CDH23: variants seen among roughly 807,000 people sequenced by gnomAD.
CDH23 encodes the protein cadherin related 23.
A neutral mutation model predicts 317.1 loss-of-function variants in CDH23; 189 were observed. The ratio of observed to expected loss-of-function variants is 0.60; its 90% CI spans 0.53 to 0.67. The LOEUF is 0.67. CDH23 is among the 30% of genes least tolerant of loss of function. The pLI is 0.00. For synonymous variants in CDH23, 1,839 were observed against 1,876.8 expected (o/e 0.98, Z 0.52); for missense variants, 4,401 against 4,592.4 (o/e 0.96, Z 1.20).
chr10:71,699,309 C>T (rs1049280618), intron 22 of CDH23, among the ~76,000 whole-genome samples: 1 of 152,254 alleles, frequency 6.6e-6, no homozygotes, highest in African/African-American at 2.4e-5. Context: ...TAGACTAGGG[C>T]GTATGGCCCA....
At chr10:71,728,036 A>G (rs1396717810) in intron 30 of CDH23, among the ~76,000 whole-genome samples, 1 of 151,944 alleles carries the variant, frequency 6.6e-6, no homozygotes, top group Admixed American at 6.6e-5. Context: ...TTGTCATTGT[A>G]CTGTCAGCCT....
At chr10:71,706,136 G>A (rs984156855) in intron 25 of CDH23, among the ~76,000 whole-genome samples, 3 of 152,198 alleles carry the variant, frequency 2.0e-5, no homozygotes, top group African/African-American at 7.2e-5. Context: ...ATGGGCCCAG[G>A]ATCTCTCCTG....
intron 24 of CDH23, among the ~76,000 whole-genome samples, chr10:71,703,086 T>G (rs1327578524): frequency 6.6e-6 from 1 of 152,082 alleles, no homozygotes; most frequent in Non-Finnish European, 1.5e-5. Flanking sequence ...TCAGCTCCCT[T>G]TACTACAGTA....
At chr10:71,727,708 G>A (rs966789153) in intron 30 of CDH23, among the ~76,000 whole-genome samples, 13 of 152,092 alleles carry the variant, frequency 8.5e-5, no homozygotes, top group African/African-American at 3.1e-4. Context: ...TCCTCTCCCT[G>A]TCCTCCTAAC....
chr10:71,706,773 T>C, intron 25 of CDH23, 124 bp from the exon 26 acceptor site: 1 of 1,458,058 alleles, frequency 6.9e-7, no homozygotes, highest in African/African-American at 1.4e-5. Flanking sequence ...CAGATGCCAC[T>C]TGGAGCCCGT....
At chr10:71,562,720 C>A (rs536241750) in intron 6 of CDH23, among the ~76,000 whole-genome samples, 1 of 152,210 alleles carries the variant, frequency 6.6e-6, no homozygotes, top group East Asian at 1.9e-4. Context: ...ACAAAGTCAG[C>A]GGGGCCTGGG....
intron 28 of CDH23, chr10:71,715,500 C>A (rs1421796009): frequency 6.4e-6 from 1 of 156,040 alleles, no homozygotes; most frequent in Non-Finnish European, 1.4e-5. Context: ...GTCTTGGCCC[C>A]GGTGTAGGCT....
intron 14 of CDH23, among the ~76,000 whole-genome samples, chr10:71,655,182 A>T (rs895507906): frequency 6.6e-5 from 10 of 152,078 alleles, no homozygotes; most frequent in African/African-American, 2.4e-4. Flanking sequence ...GTGACTGGGA[A>T]GTGAAAAGAC....
intron 3 of CDH23, among the ~76,000 whole-genome samples, chr10:71,462,135 T>G (rs991979113): frequency 2.6e-5 from 4 of 152,146 alleles, no homozygotes; most frequent in African/African-American, 9.7e-5. Flanking sequence ...TATCATCGGA[T>G]AGCAGATGTG....
chr10:71,467,455 G>C (rs1430660960), intron 3 of CDH23, among the ~76,000 whole-genome samples: 1 of 152,142 alleles, frequency 6.6e-6, no homozygotes, highest in East Asian at 1.9e-4. Context: ...CTGGTCTGGG[G>C]AACCCACTTT....
chr10:71,424,063 T>C (rs868422593), intron 1 of CDH23, among the ~76,000 whole-genome samples: 10 of 152,386 alleles, frequency 6.6e-5, no homozygotes, highest in Middle Eastern at 6.8e-3. Flanking sequence ...TTGGGTGGAC[T>C]GGACACGCAT....
chr10:71,590,873 T>TAAAAAAAAAAAA (rs71018215), intron 9 of CDH23, among the ~76,000 whole-genome samples: 1 of 72,326 alleles, frequency 1.4e-5, no homozygotes, highest in African/African-American at 6.9e-5. Context: ...ACCCTGTCTC[T>TAAAAAAAAAAAA]AAAAAAAAAA....
chr10:71,691,462 G>A (rs200599938), intron 20 of CDH23, among the ~76,000 whole-genome samples: 3 of 152,128 alleles, frequency 2.0e-5, no homozygotes, highest in Admixed American at 1.3e-4. Context: ...CTTCCAATAC[G>A]CATTTCTGTA....
chr10:71,647,238 G>A (rs758430100), intron 14 of CDH23: 24 of 305,922 alleles, frequency 7.8e-5, no homozygotes, highest in Non-Finnish European at 1.0e-4. Context: ...CGAGGTGGGC[G>A]GATCACTTGA....
Position 71,577,908 on chromosome 10 carries a change from G to T in CDH23, c.754-6G>T, listed in dbSNP as rs1858328484. ...CAAACTCAAGTCCCTCCTCTCTTCTGCCCAGGGCACGACGGTGCGCATCAT... is the reference window on the plus strand; with the variant it reads ...CAAACTCAAGTCCCTCCTCTCTTCTTCCCAGGGCACGACGGTGCGCATCAT... On this transcript the variant is annotated splice_region_variant and splice_polypyrimidine_tract_variant and intron_variant, in intron 8 of 69. Coordinates refer to ENST00000224721, the MANE Select transcript of CDH23 (RefSeq NM_022124.6). 1.3e-6 allele frequency: 2 copies of T among 1,590,958 alleles called. No homozygotes were observed. Among genetic ancestry groups the T allele is most frequent in the Non-Finnish European group, 1.7e-6 (2 of 1,168,588 alleles).
At position 71,785,099 on chromosome 10, in the gene CDH23, C is replaced by T. The variant is rs372981760; in HGVS notation, c.5711C>T (p.Thr1904Met). 1.2e-4 allele frequency: 200 copies of T among 1,612,906 alleles called. No homozygotes were observed. Among genetic ancestry groups the T allele is most frequent in the Non-Finnish European group, 1.5e-4 (180 of 1,178,994 alleles). ...NRERAFFINATTGIVTVNRPL... is the reference protein window; with the variant it reads ...NRERAFFINAMTGIVTVNRPL... The stretch of plus-strand genomic sequence containing the variant: ...GAGCGGGCCTTCTTCATCAATGCCA[C>T]GGTAGGGCCTAGACTGACCCCAGGG... Residue 1904 changes from threonine to methionine, a missense_variant and splice_region_variant, in exon 43 of 70, where the codon ACG becomes ATG. By Grantham distance (81) the Thr-to-Met change is moderately conservative (BLOSUM62 -1). This residue lies in a region of CDH23 where 3,068 missense variants were observed against 3,203.3 expected (regional missense o/e 0.96). Transcript: ENST00000224721.
chr10:71,735,385 G>C (rs1390229792), intron 34 of CDH23, among the ~76,000 whole-genome samples: 1 of 152,218 alleles, frequency 6.6e-6, no homozygotes, highest in African/African-American at 2.4e-5. Flanking sequence ...TCCTAGAAGA[G>C]GCGGCCCGGC....
At chr10:71,803,997 A>C (rs1437215565) in intron 55 of CDH23, among the ~76,000 whole-genome samples, 1 of 151,936 alleles carries the variant, frequency 6.6e-6, no homozygotes, top group African/African-American at 2.4e-5. Context: ...AAAAAAAAAA[A>C]AAAAATCTTT....
chr10:71,446,995 C>A (rs530297770), intron 3 of CDH23, among the ~76,000 whole-genome samples: 7 of 152,282 alleles, frequency 4.6e-5, no homozygotes. Flanking sequence ...GATGGGGAGG[C>A]ACCTGTGCCC....
Sources: gnomAD v4.1 joint callset for allele counts (sites outside exome capture counted in the v4.1 genomes callset) on GRCh38, gnomAD v4.1.1 for gene constraint, gnomAD v4.1.1 regional missense constraint, MANE v1.5 for transcripts, NCBI Gene and HGNC (gene_info 2026-07-23, HGNC 2026-07-21) for gene names.